PLEC: variants seen among roughly 807,000 people sequenced by gnomAD.
PLEC encodes the protein plectin.
In PLEC, 216 loss-of-function variants were observed where a neutral mutation model predicts 392.8. The ratio of observed to expected loss-of-function variants is 0.55; its 90% CI spans 0.49 to 0.62. The LOEUF (loss-of-function observed/expected upper bound fraction) is 0.62, where lower values mean the gene tolerates loss of function less well. Ranked by LOEUF, PLEC falls within the 20% of genes least tolerant of loss-of-function variation. The pLI, the probability that PLEC is intolerant of heterozygous loss-of-function variation, is 0.00. For synonymous variants in PLEC, 3,621 were observed against 2,980.6 expected (o/e 1.21, Z -7.00); for missense variants, 6,863 against 6,563.4 (o/e 1.05, Z -1.58).
At chr8:143,946,966 T>C (rs1357997546) in intron 1 of PLEC, among the ~76,000 whole-genome samples, 6 of 151,898 alleles carry the variant, frequency 4.0e-5, no homozygotes, top group South Asian at 2.1e-4. Context: ...CTGCCTCCCC[T>C]CTCCATACCT....
Position 143,966,529 on chromosome 8 carries a change from G to A in PLEC, c.70+6874C>T, listed in dbSNP as rs143603078. Among the ~76,000 whole-genome samples the A allele has an allele frequency of 2.1e-3, 317 of 152,298 alleles. 1 individual carries two copies. The highest frequency in any genetic ancestry group is 0.017 in the Middle Eastern group (5 of 294). ...AGCCACCACGGGGGACTCCTCAGCC[G>A]CTCCTTGGGAGGCACCAGGCCAGGA... On this transcript the variant is annotated intron_variant, in intron 1 of 31. Coordinates refer to the PLEC transcript ENST00000356346.
chr8:143,956,621 C>G (rs782569182), upstream of PLEC, among the ~76,000 whole-genome samples: 7 of 152,214 alleles, frequency 4.6e-5, no homozygotes, highest in Non-Finnish European at 1.0e-4. Context: ...TGAGGGCACA[C>G]AGCTGTTCAG....
intron 29 of PLEC, 36 bp downstream of exon 29, chr8:143,926,941 C>T: frequency 1.2e-6 from 2 of 1,605,852 alleles, no homozygotes; most frequent in Non-Finnish European, 1.7e-6. Context: ...AGAGGCCTGC[C>T]AGCCCCTCAC....
chr8:143,927,355 G>A lies in PLEC; in HGVS notation c.3757-20C>T. 1 of 1,612,104 alleles carries A rather than the reference G, an allele frequency of 6.2e-7. No homozygotes were observed. The highest frequency in any genetic ancestry group is 1.3e-5 in the African/African-American group (1 of 75,048). On this transcript the variant is annotated intron_variant, in intron 27 of 31. Coordinates refer to ENST00000345136, the MANE Select transcript of PLEC (RefSeq NM_201384.3). ...CAGGGCCTGGGTGATGGTGTGGTCAGAGCCGTGGCCGCAGGGCACGCCCAG... is the reference window on the plus strand; with the variant it reads ...CAGGGCCTGGGTGATGGTGTGGTCAAAGCCGTGGCCGCAGGGCACGCCCAG...
Position 143,917,310 on chromosome 8 carries a change from G to C in PLEC, c.12511C>G (p.Leu4171Val). 6.2e-7 allele frequency: 1 copy of C among 1,609,558 alleles called. No homozygotes were observed. Among genetic ancestry groups the C allele is most frequent in the Non-Finnish European group, 8.5e-7 (1 of 1,179,278 alleles). The change falls in exon 32 of 32, where the codon CTG becomes GTG. Residue 4171 changes from leucine (L) to valine (V), a missense_variant. Coordinates refer to ENST00000345136, the MANE Select transcript of PLEC (RefSeq NM_201384.3). ...TCCCACTCGCACTCCTGCTCGGACA[G>C]CTCCAGGTACGTCTGGTGGTCAATC... is the stretch of plus-strand genomic sequence containing the variant. ...GLIDHQTYLE[L>V]SEQECEWEEI...
chr8:143,935,414 T>A, intron 6 of PLEC, 101 bp from the exon 7 acceptor site: 1 of 804,464 alleles, frequency 1.2e-6, no homozygotes, highest in Non-Finnish European at 2.1e-6. Context: ...CCAGCAACCA[T>A]GGACCCCCCC....
chr8:143,940,188 G>A (rs938506042), upstream of PLEC, among the ~76,000 whole-genome samples: 1 of 152,130 alleles, frequency 6.6e-6, no homozygotes, highest in Non-Finnish European at 1.5e-5. Flanking sequence ...CCCACCCCAG[G>A]CCTGGCCCCT....
upstream of PLEC, chr8:143,973,652 C>T (rs2132994339): frequency 1.2e-5 from 6 of 495,996 alleles, no homozygotes; most frequent in Non-Finnish European, 1.6e-5. The surrounding 1 kb of genome is among the most constrained non-coding windows in gnomAD (Gnocchi z 5.6). Flanking sequence ...GCAGAGGGAG[C>T]CGCGTCTGGG....
In PLEC at chr8:143,934,858, C is replaced by G. The variant is rs377035835; in HGVS notation, c.897G>C (p.Thr299=). The change falls in exon 9 of 32, where the codon ACG becomes ACC. Residue 299 remains threonine (T), a synonymous_variant. Coordinates refer to ENST00000345136, the MANE Select transcript of PLEC (RefSeq NM_201384.3). ...LLLLQWMRHH[T]AAFEERRFPS... is the part of the protein sequence containing the mutation. ...GGAACCTGCGTTCCTCAAAGGCGGC[C>G]GTGTGGTGTCGCATCCACTGAAGCA... 9 of 1,611,354 alleles carry G rather than the reference C, an allele frequency of 5.6e-6. No homozygotes were observed. The highest frequency in any genetic ancestry group is 7.6e-6 in the Non-Finnish European group (9 of 1,179,782).
At position 143,921,724 on chromosome 8, in the gene PLEC, T is replaced by C; in HGVS notation, c.8097A>G (p.Ala2699=). ...CATTGGTGGCCTTCAGCAACAGCCC[T>C]GCGATACTGCTGCGGCCCTGCAGGT... The part of the protein sequence containing the change: ...RHYLQGRSSI[A]GLLLKATNEK... Residue 2699 remains alanine, a synonymous_variant, in exon 32 of 32, where the codon GCA becomes GCG. Transcript: ENST00000345136. 4 of 1,612,862 alleles carry C rather than the reference T, an allele frequency of 2.5e-6. No homozygotes were observed. The highest frequency in any genetic ancestry group is 3.4e-6 in the Non-Finnish European group (4 of 1,179,900).
At chr8:143,933,949 G>T (rs782228156) in intron 12 of PLEC, 49 bp downstream of exon 12, 174 of 1,514,628 alleles carry the variant, frequency 1.1e-4, no homozygotes, top group Non-Finnish European at 1.5e-4. Flanking sequence ...GGGCGGGGCA[G>T]GCTCCTCCGG....
intron 6 of PLEC, 75 bp from the exon 7 acceptor site, chr8:143,935,388 C>G (rs1305707625): frequency 1.0e-6 from 1 of 966,548 alleles, no homozygotes; most frequent in East Asian, 2.5e-5. Flanking sequence ...GTGCACAGGC[C>G]GGCTCCTCAC....
intron 1 of PLEC, among the ~76,000 whole-genome samples, chr8:143,960,980 C>T (rs782155493): frequency 6.6e-6 from 1 of 152,226 alleles, no homozygotes; most frequent in Non-Finnish European, 1.5e-5. Context: ...CCGTGACCCA[C>T]GTCTGGCCAT....
upstream of PLEC, chr8:143,942,368 CA>C (rs1554729287): frequency 6.2e-7 from 1 of 1,600,278 alleles, no homozygotes; most frequent in Admixed American, 1.7e-5. Context: ...CCTTCTGTGC[CA>C]CCGGCCACGC....
At chr8:143,975,851 C>T (rs1215884694), upstream of PLEC, among the ~76,000 whole-genome samples, 3 of 152,066 alleles carry the variant, frequency 2.0e-5, no homozygotes, top group African/African-American at 7.2e-5. This position sits in a 1 kb window ranked among gnomAD's most constrained non-coding sequence, Gnocchi z 9.9. Flanking sequence ...ACTCAGATGC[C>T]GGCCTCCACT....
intron 1 of PLEC, among the ~76,000 whole-genome samples, chr8:143,968,621 C>T (rs1554743146): frequency 6.6e-6 from 1 of 151,360 alleles, no homozygotes. Flanking sequence ...TGATAAAGGA[C>T]TGGCATCTAG....
chr8:143,931,115 A>G (rs1308118613), intron 19 of PLEC, among the ~76,000 whole-genome samples: 1 of 152,138 alleles, frequency 6.6e-6, no homozygotes, highest in Non-Finnish European at 1.5e-5. Context: ...AAGGGCTGGC[A>G]GTGCTCCTTC....
upstream of PLEC, among the ~76,000 whole-genome samples, chr8:143,952,131 TG>T (rs1183839069): frequency 2.0e-5 from 3 of 151,768 alleles, no homozygotes; most frequent in Non-Finnish European, 4.4e-5. Context: ...AAGCAGCTTG[TG>T]GGGGCGGGTT....
At chr8:143,964,853 T>G (rs1833011709) in intron 1 of PLEC, among the ~76,000 whole-genome samples, 1 of 152,028 alleles carries the variant, frequency 6.6e-6, no homozygotes, top group Non-Finnish European at 1.5e-5. Flanking sequence ...TTTCAAAAGG[T>G]CAAAAGACAC....
Sources: gnomAD v4.1 joint callset for allele counts (sites outside exome capture counted in the v4.1 genomes callset) on GRCh38, gnomAD v4.1.1 for gene constraint, Gnocchi (gnomAD v3.1) non-coding constraint, MANE v1.5 for transcripts, NCBI Gene and HGNC (gene_info 2026-07-23, HGNC 2026-07-21) for gene names.